ESS2: variants seen among roughly 807,000 people sequenced by gnomAD.
ESS2 encodes splicing factor ESS-2 homolog.
A neutral mutation model predicts 52.0 loss-of-function variants in ESS2; 31 were observed. The observed-to-expected ratio is 0.60, with a 90% CI of 0.45 to 0.81. The LOEUF (loss-of-function observed/expected upper bound fraction) is 0.81. ESS2 is among the 30% of genes least tolerant of loss of function. ESS2 has a pLI of 0.00. For missense variants in ESS2, 602 were observed against 637.2 expected (o/e 0.94, Z 0.59); for synonymous variants, 285 against 259.2 (o/e 1.10, Z -0.95).
chr22:19,139,317 G>C (rs773822691), intron 5 of ESS2, 25 bp from the exon 6 acceptor site: 3 of 1,559,724 alleles, frequency 1.9e-6, no homozygotes, highest in Admixed American at 3.7e-5. Flanking sequence ...AAAGGTAGCA[G>C]CAGGTGTCAG....
In ESS2 at chr22:19,134,149, C is replaced by T. The variant is rs759661189; in HGVS notation, c.*47G>A. On this transcript the variant is annotated 3_prime_UTR_variant, in exon 10 of 10. Coordinates refer to ENST00000252137, the MANE Select transcript of ESS2 (RefSeq NM_022719.3). The stretch of plus-strand genomic sequence containing the variant: ...GAGTCCTCTGCTGGGTGTACAGCTG[C>T]CCTGCAGGCTCTGTGAAGCGTCTAT... The T allele has an allele frequency of 2.7e-6, 4 of 1,472,016 alleles. No individual in the cohort carries two copies. The Admixed American group carries it at 7.5e-5, about 28-fold the overall frequency. 91.2% of individuals were successfully genotyped at this position (1,472,016 alleles called of 1,614,324 possible). A position where few individuals can be genotyped will look rare whatever the true frequency, so the allele number is the denominator to read the frequency against.
Position 19,140,134 on chromosome 22 carries a change from C to T in ESS2, c.401-110G>A, listed in dbSNP as rs2083660461. ...CCAACATGCAGGGCTGGAATCCTCT[C>T]CCCTGGTCCTGGCTTCTGCCCATGA... On this transcript the variant is annotated intron_variant, in intron 3 of 9. Coordinates refer to ENST00000252137, the MANE Select transcript of ESS2 (RefSeq NM_022719.3). 2.2e-6 allele frequency: 3 copies of T among 1,357,312 alleles called. No homozygotes were observed. The Admixed American group carries it at 5.7e-5, about 26-fold the overall frequency. The allele number at this position is 1,357,312 out of a possible 1,614,324, so 84.1% of individuals were successfully genotyped here.
intron 7 of ESS2, chr22:19,137,723 G>A (rs1349606893): frequency 3.0e-6 from 3 of 985,090 alleles, no homozygotes; most frequent in African/African-American, 1.7e-5. Context: ...GGCCTTCCAG[G>A]GCTCCCAAAC....
Position 19,137,435 on chromosome 22 carries a change from G to A in ESS2, c.926-3C>T. ...CATCATCGGGGACTCGTTCACACCT[G>A]CAGACAAAGAGCCCAAAACCACCTC... is the stretch of plus-strand genomic sequence containing the variant. On this transcript the variant is annotated splice_region_variant and splice_polypyrimidine_tract_variant and intron_variant, in intron 7 of 9. Coordinates refer to ENST00000252137, the MANE Select transcript of ESS2 (RefSeq NM_022719.3). The A allele has an allele frequency of 6.2e-7, 1 of 1,609,806 alleles. No homozygotes were observed. The highest frequency in any genetic ancestry group is 8.5e-7 in the Non-Finnish European group (1 of 1,177,382).
In ESS2 at chr22:19,132,443, C is replaced by T. The variant is rs2083519543; in HGVS notation, c.*1753G>A. ...CCTCCAGGGCCAAAGACCATCACAT[C>T]TCCGGAGCTGAGGTGGGGAAAGCAA... is the stretch of plus-strand genomic sequence containing the variant. On this transcript the variant is annotated 3_prime_UTR_variant, in exon 10 of 10. Coordinates refer to ENST00000252137, the MANE Select transcript of ESS2 (RefSeq NM_022719.3). This position sits in a 1 kb window ranked among gnomAD's most constrained non-coding sequence, Gnocchi z 4.2. 6.2e-7 allele frequency: 1 copy of T among 1,612,062 alleles called. No individual in the cohort carries two copies. The highest frequency in any genetic ancestry group is 1.7e-5 in the Admixed American group (1 of 59,906).
chr22:19,139,429 G>T, intron 5 of ESS2, 137 bp from the exon 6 acceptor site: 1 of 1,366,536 alleles, frequency 7.3e-7, no homozygotes, highest in Non-Finnish European at 1.0e-6. Context: ...TGCCGCTGGA[G>T]AGGGTCTCAC....
intron 1 of ESS2, among the ~76,000 whole-genome samples, chr22:19,143,461 C>T (rs1197905462): frequency 6.6e-6 from 1 of 152,228 alleles, no homozygotes; most frequent in African/African-American, 2.4e-5. Context: ...CTCGCCCTTG[C>T]TAACTGGTCA....
At chr22:19,138,426 C>A (rs1017967391) in intron 6 of ESS2, 109 bp from the exon 7 acceptor site, 1 of 1,061,488 alleles carries the variant, frequency 9.4e-7, no homozygotes, top group Non-Finnish European at 1.4e-6. Context: ...CTCCTCAGGG[C>A]AAGGCTGGGG....
At position 19,133,379 on chromosome 22, in the gene ESS2, T is replaced by C; in HGVS notation, c.*817A>G. 6.6e-6 allele frequency: 1 copy of C among 152,368 alleles called. No individual in the cohort carries two copies. The highest frequency in any genetic ancestry group is 1.9e-4 in the East Asian group (1 of 5,186). The allele number at this position is 152,368 out of a possible 1,614,324, so 9.4% of individuals were successfully genotyped here. ...TGAAGGCCCCACGTCCCCCACCCCT[T>C]AAGAGTCCCAGCCTGATCTGTCCAG... On this transcript the variant is annotated 3_prime_UTR_variant, in exon 10 of 10. Coordinates refer to ENST00000252137, the MANE Select transcript of ESS2 (RefSeq NM_022719.3).
intron 1 of ESS2, among the ~76,000 whole-genome samples, chr22:19,143,688 A>T (rs59596319): frequency 2.0e-5 from 3 of 151,800 alleles, no homozygotes; most frequent in Non-Finnish European, 2.9e-5. Context: ...AAACCCCACC[A>T]CTACTAAAAA....
intron 7 of ESS2, 82 bp downstream of exon 7, chr22:19,138,133 A>G: frequency 6.3e-7 from 1 of 1,594,126 alleles, no homozygotes. Context: ...AGAGGCCAGG[A>G]GTGGCCAGGG....
intron 8 of ESS2, 140 bp from the exon 9 acceptor site, chr22:19,135,315 A>C: frequency 4.6e-6 from 3 of 646,580 alleles, no homozygotes; most frequent in East Asian, 2.8e-5. Flanking sequence ...CTCCCACTAA[A>C]AGCCCCTGGA....
At chr22:19,137,870 A>C (rs56326510) in intron 7 of ESS2, 360,002 of 985,160 alleles carry the variant, frequency 0.37, 66,259 homozygotes, top group South Asian at 0.49. Context: ...TTTCACCTCC[A>C]CTGAGGTGCT....
intron 1 of ESS2, 131 bp downstream of exon 1, chr22:19,144,375 G>T (rs2083747956): frequency 6.6e-7 from 1 of 1,525,790 alleles, no homozygotes; most frequent in African/African-American, 1.4e-5. Context: ...CTTGACTCGT[G>T]GGACCGTCCA....
In ESS2 at chr22:19,133,434, G is replaced by C. The variant is rs765791565; in HGVS notation, c.*762C>G. 3.3e-5 allele frequency: 5 copies of C among 152,996 alleles called. No homozygotes were observed. Among genetic ancestry groups the C allele is most frequent in the Non-Finnish European group, 2.9e-5 (2 of 68,676 alleles). 9.5% of individuals were successfully genotyped at this position (152,996 alleles called of 1,614,324 possible). ...CCACTGTTATCTGGGAGCTCCTGTT[G>C]GTGGAAGTGACCAGGTGAGGCCAGG... On this transcript the variant is annotated 3_prime_UTR_variant, in exon 10 of 10. Transcript: ENST00000252137.
At chr22:19,140,906 G>A (rs908547973) in intron 3 of ESS2, among the ~76,000 whole-genome samples, 1 of 152,218 alleles carries the variant, frequency 6.6e-6, no homozygotes, top group African/African-American at 2.4e-5. Context: ...TTCCTCACCT[G>A]TAAACATGAT....
Position 19,135,137 on chromosome 22 carries a change from C to G in ESS2, c.1074G>C (p.Lys358Asn). 1 of 1,614,072 alleles carries G rather than the reference C, an allele frequency of 6.2e-7. No homozygotes were observed. Among genetic ancestry groups the G allele is most frequent in the Non-Finnish European group, 8.5e-7 (1 of 1,179,944 alleles). ...TCTTGGCAGCGGCCTCGTTGGCCATCTTCAGACCCAGCCGCTCCCTGCGGC... is the reference window on the plus strand; with the variant it reads ...TCTTGGCAGCGGCCTCGTTGGCCATGTTCAGACCCAGCCGCTCCCTGCGGC... ...EPGRRERLGLKMANEAAAKNR... is the reference protein window; with the variant it reads ...EPGRRERLGLNMANEAAAKNR... The change falls in exon 9 of 10, where the codon AAG becomes AAC. Residue 358 changes from lysine (K) to asparagine (N), a missense_variant. Physicochemically the swap from Lys to Asn is moderately conservative, Grantham distance 94 (BLOSUM62 0). Transcript: ENST00000252137.
chr22:19,138,330 G>C lies in ESS2; in HGVS notation c.823-13C>G. On this transcript the variant is annotated splice_polypyrimidine_tract_variant and intron_variant, in intron 6 of 9. Transcript: ENST00000252137. The stretch of plus-strand genomic sequence containing the variant: ...TGCCCTGTTTGTGCTGGAACAAGCA[G>C]AGAGGCTGGCATCAGGGGGACCGCA... 6.2e-7 allele frequency: 1 copy of C among 1,612,894 alleles called. No individual in the cohort carries two copies. The highest frequency in any genetic ancestry group is 1.1e-5 in the South Asian group (1 of 90,994).
At chr22:19,138,161 C>G in intron 7 of ESS2, 54 bp downstream of exon 7, 6 of 1,609,450 alleles carry the variant, frequency 3.7e-6, no homozygotes, top group Non-Finnish European at 5.1e-6. Context: ...AGAAGCCCAC[C>G]TCCCCCAGGG....
Sources: allele counts gnomAD v4.1 joint callset (sites outside exome capture counted in the v4.1 genomes callset), GRCh38; gene constraint gnomAD v4.1.1; non-coding constraint Gnocchi (gnomAD v3.1); transcripts MANE v1.5; gene names NCBI Gene and HGNC (gene_info 2026-07-23, HGNC 2026-07-21).